The following RYR2 variants were observed in gnomAD, a reference collection of about 807,000 sequenced individuals.
RYR2 encodes cardiac muscle ryanodine receptor-calcium release channel.
In RYR2, 227 loss-of-function variants were observed where a neutral mutation model predicts 601.1. The ratio of observed to expected loss-of-function variants is 0.38; its 90% CI spans 0.34 to 0.42. The LOEUF is 0.42. Among genes scored for constraint, RYR2 ranks in the 10% least tolerant of loss-of-function variants. The pLI, the probability that RYR2 is intolerant of heterozygous loss-of-function variation, is 1.00. For missense variants in RYR2, 4,646 were observed against 6,156.5 expected, an observed-to-expected ratio of 0.75 and a Z score of 8.21; for synonymous variants, 2,223 against 2,175.1, an observed-to-expected ratio of 1.02 and a Z score of -0.61.
chr1:237,435,249 T>C (rs992549619), intron 12 of RYR2, among the ~76,000 whole-genome samples: 4 of 152,214 alleles, frequency 2.6e-5, no homozygotes, highest in Admixed American at 6.5e-5. Flanking sequence ...TCATGCATTA[T>C]CTTATTTAAT....
At chr1:237,407,286 T>C (rs1002495532) in intron 10 of RYR2, among the ~76,000 whole-genome samples, 1 of 152,196 alleles carries the variant, frequency 6.6e-6, no homozygotes, top group Admixed American at 6.5e-5. Flanking sequence ...AAGTTTTGTA[T>C]AGACCTAATT....
chr1:237,687,263 C>A (rs1026741545), intron 62 of RYR2, among the ~76,000 whole-genome samples, 192 bp from the exon 63 acceptor site: 1 of 151,572 alleles, frequency 6.6e-6, no homozygotes, highest in African/African-American at 2.4e-5. Context: ...TTCTTTAATA[C>A]CTTTACTCCA....
intron 1 of RYR2, among the ~76,000 whole-genome samples, chr1:237,162,744 G>T (rs1247704542): frequency 6.6e-6 from 1 of 152,144 alleles, no homozygotes; most frequent in Non-Finnish European, 1.5e-5. Context: ...GTATTGTAAA[G>T]TGGAAGTGTA....
chr1:237,782,608 T>C (rs1695215155), intron 89 of RYR2, among the ~76,000 whole-genome samples: 1 of 152,118 alleles, frequency 6.6e-6, no homozygotes. Flanking sequence ...AAACACAGGA[T>C]CCATTTTTCC....
chr1:237,665,373 T>C (rs1178527039), intron 56 of RYR2, among the ~76,000 whole-genome samples: 1 of 136,076 alleles, frequency 7.3e-6, no homozygotes, highest in African/African-American at 2.9e-5. Flanking sequence ...CACTCCAGCC[T>C]GGTGACAGAG....
intron 11 of RYR2, among the ~76,000 whole-genome samples, chr1:237,418,412 G>C (rs1272752495): frequency 1.3e-5 from 2 of 152,116 alleles, no homozygotes; most frequent in Non-Finnish European, 2.9e-5. Context: ...GAATAGTTTA[G>C]AGGCCTTCAG....
intron 33 of RYR2, among the ~76,000 whole-genome samples, chr1:237,594,279 A>G (rs1675554197): frequency 6.6e-6 from 1 of 152,184 alleles, no homozygotes; most frequent in African/African-American, 2.4e-5. Flanking sequence ...TTTTGTGCCC[A>G]TGCATCCTCT....
intron 100 of RYR2, among the ~76,000 whole-genome samples, chr1:237,815,686 AAAG>A (rs777320723): frequency 2.0e-5 from 3 of 152,144 alleles, no homozygotes; most frequent in Non-Finnish European, 2.9e-5. Context: ...AGAGATCTGC[AAAG>A]AAGGAGACAT....
intron 14 of RYR2, among the ~76,000 whole-genome samples, chr1:237,448,276 G>T (rs991283443): frequency 2.0e-5 from 3 of 152,082 alleles, no homozygotes; most frequent in African/African-American, 7.2e-5. Flanking sequence ...TTGACCAATA[G>T]ATTTTTTCAG....
At chr1:237,400,436 G>A (rs139333804) in intron 10 of RYR2, among the ~76,000 whole-genome samples, 151 of 152,186 alleles carry the variant, frequency 9.9e-4, no homozygotes, top group African/African-American at 3.3e-3. Flanking sequence ...TGGATAAAAA[G>A]CAGTGGCCCT....
At chr1:237,177,235 C>T (rs1678156234) in intron 1 of RYR2, among the ~76,000 whole-genome samples, 1 of 152,158 alleles carries the variant, frequency 6.6e-6, no homozygotes, top group South Asian at 2.1e-4. Context: ...GGCAATATGT[C>T]ATGACATATC....
chr1:237,743,002 T>G (rs1691744787), intron 80 of RYR2, among the ~76,000 whole-genome samples: 1 of 152,242 alleles, frequency 6.6e-6, no homozygotes, highest in African/African-American at 2.4e-5. Flanking sequence ...TACTTTCGTT[T>G]TTTATGAGGA....
intron 1 of RYR2, among the ~76,000 whole-genome samples, chr1:237,235,553 C>A (rs1558472765): frequency 6.6e-6 from 1 of 152,212 alleles, no homozygotes; most frequent in Non-Finnish European, 1.5e-5. Flanking sequence ...CACTGGCAAG[C>A]ACAGTTGGAG....
At chr1:237,780,136 A>G (rs1471498110) in intron 88 of RYR2, among the ~76,000 whole-genome samples, 2 of 151,552 alleles carry the variant, frequency 1.3e-5, no homozygotes, top group Non-Finnish European at 2.9e-5. Flanking sequence ...TATATTTATT[A>G]GTGTTTGTTC....
intron 2 of RYR2, among the ~76,000 whole-genome samples, chr1:237,284,813 G>A (rs1284183899): frequency 6.6e-6 from 1 of 151,780 alleles, no homozygotes; most frequent in Non-Finnish European, 1.5e-5. Flanking sequence ...TCGAGTTCTT[G>A]ATTTGATTCT....
At position 237,105,356 on chromosome 1, in the gene RYR2, G is replaced by C. The variant is rs529280350; in HGVS notation, c.48+62787G>C. Among the ~76,000 whole-genome samples the C allele has an allele frequency of 3.7e-3, 571 of 152,272 alleles. 4 individuals carry two copies. The highest frequency in any genetic ancestry group is 0.013 in the African/African-American group (531 of 41,550). ...GTAAGTACTCTGGGGGAAAATGAGA[G>C]TAGAACAGGATAAGGGGGTGATGGA... On this transcript the variant is annotated intron_variant, in intron 1 of 104. Coordinates refer to ENST00000366574, the MANE Select transcript of RYR2 (RefSeq NM_001035.3).
chr1:237,247,811 A>G (rs1572350261), intron 1 of RYR2, among the ~76,000 whole-genome samples: 1 of 152,320 alleles, frequency 6.6e-6, no homozygotes, highest in South Asian at 2.1e-4. Flanking sequence ...CTGCTGGAAG[A>G]AAGTAGAGTC....
intron 1 of RYR2, among the ~76,000 whole-genome samples, chr1:237,222,054 G>C (rs1482796519): frequency 6.6e-6 from 1 of 152,088 alleles, no homozygotes; most frequent in Non-Finnish European, 1.5e-5. Context: ...CCATGGGGAC[G>C]TGTGCACATG....
At chr1:237,680,612 C>G (rs1393178513) in intron 62 of RYR2, 35 bp downstream of exon 62, 2 of 1,549,918 alleles carry the variant, frequency 1.3e-6, no homozygotes, top group Non-Finnish European at 1.7e-6. Context: ...TGTTGTATGA[C>G]TTAGGTGTAT....
Sources: allele counts gnomAD v4.1 joint callset (sites outside exome capture counted in the v4.1 genomes callset), GRCh38; gene constraint gnomAD v4.1.1; transcripts MANE v1.5; gene names NCBI Gene and HGNC (gene_info 2026-07-23, HGNC 2026-07-21).